PRELID2: variants seen among roughly 807,000 people sequenced by gnomAD.
The protein encoded by PRELID2 is PRELI domain containing 2.
In PRELID2, 25 loss-of-function variants were observed where a neutral mutation model predicts 28.4. The observed-to-expected ratio is 0.88, with a 90% CI of 0.64 to 1.23. The LOEUF is 1.23. Ranked by LOEUF, PRELID2 falls within the 50% of genes most tolerant of loss-of-function variation. PRELID2 has a pLI of 0.00. For synonymous variants in PRELID2, 76 were observed against 71.6 expected, an observed-to-expected ratio of 1.06 and a Z score of -0.31; for missense variants, 201 against 214.4, an observed-to-expected ratio of 0.94 and a Z score of 0.39.
chr5:145,414,766 G>T, the PRELID2 span, among the ~76,000 whole-genome samples: 2 of 152,112 alleles, frequency 1.3e-5, no homozygotes, highest in Non-Finnish European at 2.9e-5. Context: ...CACCATATAA[G>T]TATTTACTTG....
At chr5:145,477,879 G>A (rs777062438) in intron 1 of PRELID2, among the ~76,000 whole-genome samples, 16 of 151,990 alleles carry the variant, frequency 1.1e-4, no homozygotes, top group Non-Finnish European at 2.2e-4. Context: ...AGAGGAGGAA[G>A]AGGAATAGGA....
the PRELID2 span, among the ~76,000 whole-genome samples, chr5:145,357,125 TTC>T: frequency 6.6e-6 from 1 of 152,180 alleles, no homozygotes; most frequent in Non-Finnish European, 1.5e-5. Flanking sequence ...CCTGATGGGG[TTC>T]CCTTTGTAGG....
chr5:145,711,858 AC>A (rs1380692241), intron 1 of PRELID2, among the ~76,000 whole-genome samples: 1 of 152,184 alleles, frequency 6.6e-6, no homozygotes, highest in Admixed American at 6.5e-5. Flanking sequence ...CAGGGGCAGG[AC>A]TGAAGACCAA....
downstream of PRELID2, among the ~76,000 whole-genome samples, chr5:145,470,749 T>C (rs1031201510): frequency 2.0e-5 from 3 of 152,096 alleles, no homozygotes; most frequent in South Asian, 4.2e-4. Flanking sequence ...GAAATACAAA[T>C]GGAATTGCAA....
chr5:145,592,291 GTATTCTCTAC>G (rs1372897147), intron 1 of PRELID2, among the ~76,000 whole-genome samples: 2 of 152,010 alleles, frequency 1.3e-5, no homozygotes, highest in Non-Finnish European at 2.9e-5. Context: ...GGTGGTGCCT[GTATTCTCTAC>G]TCGGGATGCT....
the PRELID2 span, among the ~76,000 whole-genome samples, chr5:145,242,655 A>T: frequency 6.6e-6 from 1 of 152,214 alleles, no homozygotes; most frequent in East Asian, 1.9e-4. Context: ...TGAGAGAAAA[A>T]GGTAACCAAT....
rs1757306539 is a variant in PRELID2, at chr5:145,757,870, A to C, written c.*2666T>G. Among the ~76,000 whole-genome samples the C allele has an allele frequency of 6.6e-6, 1 of 151,900 alleles. No homozygotes were observed. The highest frequency in any genetic ancestry group is 6.6e-5 in the Admixed American group (1 of 15,240). On this transcript the variant is annotated 3_prime_UTR_variant, in exon 7 of 7. Coordinates refer to ENST00000683046, the MANE Select transcript of PRELID2 (RefSeq NM_205846.3). Reference sequence around the variant, plus strand: ...TTCTAAGCCATATATGTGAAGCTGGAAGCAATAGCTGCCTGCAGGGGGAAA... The same window carrying C: ...TTCTAAGCCATATATGTGAAGCTGGCAGCAATAGCTGCCTGCAGGGGGAAA...
chr5:145,713,622 TATATA>T (rs1261768112), intron 1 of PRELID2, among the ~76,000 whole-genome samples: 4 of 129,382 alleles, frequency 3.1e-5, no homozygotes, highest in South Asian at 2.4e-4. Context: ...ATATAGTAAA[TATATA>T]ATATATATTT....
At chr5:145,555,726 G>C (rs1446115889) in intron 1 of PRELID2, among the ~76,000 whole-genome samples, 1 of 152,082 alleles carries the variant, frequency 6.6e-6, no homozygotes, top group Non-Finnish European at 1.5e-5. Flanking sequence ...TATGCAAAGG[G>C]AGCCAGCAGG....
chr5:145,275,973 T>C, the PRELID2 span, among the ~76,000 whole-genome samples: 48 of 152,134 alleles, frequency 3.2e-4, no homozygotes, highest in Non-Finnish European at 4.0e-4. Context: ...TGTACATAAC[T>C]AGCAGTTTCT....
the PRELID2 span, among the ~76,000 whole-genome samples, chr5:145,299,423 T>A: frequency 6.6e-6 from 1 of 152,180 alleles, no homozygotes; most frequent in African/African-American, 2.4e-5. Context: ...TCCTTCATTA[T>A]TTTCAGGGGA....
intron 1 of PRELID2, among the ~76,000 whole-genome samples, chr5:145,719,374 A>G (rs909488097): frequency 2.0e-5 from 3 of 152,000 alleles, no homozygotes; most frequent in African/African-American, 7.2e-5. Context: ...CTTGAGAAAA[A>G]GACAGTATAA....
At chr5:145,318,307 T>C in the PRELID2 span, among the ~76,000 whole-genome samples, 1 of 152,190 alleles carries the variant, frequency 6.6e-6, no homozygotes, top group African/African-American at 2.4e-5. Context: ...CAGCCACCCT[T>C]TTCCACACAC....
chr5:145,816,145 C>G (rs947459862), intron 4 of PRELID2, among the ~76,000 whole-genome samples: 4 of 134,402 alleles, frequency 3.0e-5, no homozygotes, highest in African/African-American at 8.7e-5. Context: ...TGCCATGGTG[C>G]GATCTCGGCT....
the PRELID2 span, among the ~76,000 whole-genome samples, chr5:145,384,640 T>C: frequency 6.6e-6 from 1 of 152,162 alleles, no homozygotes; most frequent in African/African-American, 2.4e-5. Flanking sequence ...GAAAAGAGCC[T>C]TAATTGGCTC....
At chr5:145,607,095 G>A (rs6580381) in intron 1 of PRELID2, among the ~76,000 whole-genome samples, 4 of 151,820 alleles carry the variant, frequency 2.6e-5, no homozygotes, top group African/African-American at 9.7e-5. Flanking sequence ...AATGTAACCT[G>A]TGTCATTTCT....
chr5:145,467,434 A>G (rs1752011891), downstream of PRELID2, among the ~76,000 whole-genome samples: 1 of 152,128 alleles, frequency 6.6e-6, no homozygotes, highest in South Asian at 2.1e-4. Flanking sequence ...GTCTACATAT[A>G]TGCTAATCCT....
In PRELID2 at chr5:145,685,294, C is replaced by T. The variant is rs111599587; in HGVS notation, n.70+79637G>A. 7.9e-5 allele frequency among the ~76,000 whole-genome samples: 12 copies of T among 152,298 alleles called. 2 individuals are homozygous for T. Among genetic ancestry groups the T allele is most frequent in the African/African-American group, 2.9e-4 (12 of 41,578 alleles). On this transcript the variant is annotated intron_variant and non_coding_transcript_variant, in intron 1 of 2. Transcript: ENST00000510259. ...CAATTACCAAAGCCACCTCTTACCT[C>T]CCTGTTTTCACTCTTCCATAAGGCA...
chr5:145,595,630 ACT>A (rs901229583), intron 1 of PRELID2, among the ~76,000 whole-genome samples: 50 of 152,244 alleles, frequency 3.3e-4, no homozygotes, highest in African/African-American at 1.2e-3. Context: ...AAAACTTCAG[ACT>A]ACTGAAACCT....
Sources: gnomAD v4.1 joint callset for allele counts (sites outside exome capture counted in the v4.1 genomes callset) on GRCh38, gnomAD v4.1.1 for gene constraint, MANE v1.5 for transcripts, NCBI Gene and HGNC (gene_info 2026-07-23, HGNC 2026-07-21) for gene names.